The following NRG1 variants were observed in gnomAD, a reference collection of about 807,000 sequenced individuals.
NRG1 encodes neuregulin 1.
In NRG1, 18 loss-of-function variants were observed where a neutral mutation model predicts 63.8. The ratio of observed to expected loss-of-function variants is 0.28; its 90% confidence interval spans 0.19 to 0.42. The LOEUF is 0.42. Ranked by LOEUF, NRG1 falls within the 10% of genes least tolerant of loss-of-function variation. The probability of loss-of-function intolerance (pLI) is 1.00; values close to 1 mark genes in which losing one functional copy is unlikely to be tolerated. For synonymous variants in NRG1, 302 were observed against 301.3 expected, an observed-to-expected ratio of 1.00 and a Z score of -0.02; for missense variants, 762 against 814.7, an observed-to-expected ratio of 0.94 and a Z score of 0.79.
intron 1 of NRG1, among the ~76,000 whole-genome samples, chr8:31,904,912 A>C (rs1018829470): frequency 1.4e-4 from 21 of 152,110 alleles, no homozygotes; most frequent in African/African-American, 5.1e-4. Context: ...CTACCTATCA[A>C]ATACTATGCT....
intron 1 of NRG1, among the ~76,000 whole-genome samples, chr8:32,575,880 C>T (rs1588429538): frequency 1.3e-5 from 2 of 152,138 alleles, no homozygotes; most frequent in African/African-American, 4.8e-5. Context: ...GGTTCTTTGT[C>T]TTACATAGCT....
intron 1 of NRG1, among the ~76,000 whole-genome samples, chr8:32,116,885 G>A (rs999707105): frequency 6.9e-6 from 1 of 144,464 alleles, no homozygotes; most frequent in Non-Finnish European, 1.5e-5. Flanking sequence ...GTTTGTGCCT[G>A]TAATCTCAAC....
chr8:32,724,448 C>T lies in NRG1; in HGVS notation c.503-3501C>T, dbSNP rs1031430207. Among the ~76,000 whole-genome samples, 10 of 152,162 alleles carry T rather than the reference C, an allele frequency of 6.6e-5. 1 individual carries two copies. Among genetic ancestry groups the T allele is most frequent in the Middle Eastern group, 3.4e-3 (1 of 294 alleles). On this transcript the variant is annotated intron_variant, in intron 5 of 11. Coordinates refer to ENST00000356819, the Ensembl canonical transcript of NRG1. Reference sequence around the variant, plus strand: ...CTGTTTGCTCTGATTGGCATAGGACCGGCTTTGTCGGTTTCATTACATCCT... The same window carrying T: ...CTGTTTGCTCTGATTGGCATAGGACTGGCTTTGTCGGTTTCATTACATCCT...
Position 32,282,609 on chromosome 8 carries a change from T to G in NRG1, c.38-313219T>G, listed in dbSNP as rs150714370. ...TGTTCTCATCAGCCTCACCAAGCAGTGAGAGCAGCTTTCACATTCAAGGTC... is the reference window on the plus strand; with the variant it reads ...TGTTCTCATCAGCCTCACCAAGCAGGGAGAGCAGCTTTCACATTCAAGGTC... On this transcript the variant is annotated intron_variant, in intron 1 of 10. Transcript: ENST00000519301. 7.7e-4 allele frequency among the ~76,000 whole-genome samples: 117 copies of G among 152,330 alleles called. 1 individual carries two copies. The highest frequency in any genetic ancestry group is 2.7e-3 in the African/African-American group (113 of 41,576).
intron 1 of NRG1, among the ~76,000 whole-genome samples, chr8:31,789,493 G>A (rs957138182): frequency 2.0e-5 from 3 of 152,126 alleles, no homozygotes; most frequent in Admixed American, 6.5e-5. Flanking sequence ...TAACTGCCCA[G>A]GAGAGCTGTC....
chr8:32,561,172 A>G (rs1836323580), intron 1 of NRG1, among the ~76,000 whole-genome samples: 1 of 152,190 alleles, frequency 6.6e-6, no homozygotes, highest in Non-Finnish European at 1.5e-5. Flanking sequence ...AATTATTACC[A>G]TGCTATACTT....
chr8:32,679,445 T>A (rs1299466531), intron 5 of NRG1, among the ~76,000 whole-genome samples: 1 of 152,194 alleles, frequency 6.6e-6, no homozygotes, highest in East Asian at 1.9e-4. Context: ...CCATTAACTA[T>A]CTTTGCATCA....
At chr8:31,979,925 A>T (rs1437955986) in intron 1 of NRG1, among the ~76,000 whole-genome samples, 1 of 152,074 alleles carries the variant, frequency 6.6e-6, no homozygotes, top group Non-Finnish European at 1.5e-5. Context: ...ATTTTAATTT[A>T]TATGTCTATT....
intron 1 of NRG1, among the ~76,000 whole-genome samples, chr8:31,642,388 T>C (rs973460010): frequency 6.6e-6 from 1 of 152,230 alleles, no homozygotes; most frequent in African/African-American, 2.4e-5. Flanking sequence ...GGATTGTAGT[T>C]AGCTGTGATG....
At chr8:32,560,111 A>T (rs1322763628) in intron 1 of NRG1, among the ~76,000 whole-genome samples, 2 of 152,226 alleles carry the variant, frequency 1.3e-5, no homozygotes, top group Admixed American at 1.3e-4. Context: ...ATAAATGTTC[A>T]TAAATAGGTA....
In NRG1 at chr8:32,565,769, G is replaced by A. The variant is rs549881530; in HGVS notation, c.100+16943G>A. 4.1e-4 allele frequency among the ~76,000 whole-genome samples: 62 copies of A among 152,192 alleles called. No homozygotes were observed. The South Asian group carries it at 0.013, about 31-fold the overall frequency. ...CTAGTTGTTTCATAATTTCTGTGTG[G>A]TAATTTCAGTTTGTGTTGGTTCTCA... On this transcript the variant is annotated intron_variant, in intron 1 of 11. Transcript: ENST00000356819.
At chr8:32,387,105 C>T (rs1275386958) in intron 1 of NRG1, among the ~76,000 whole-genome samples, 1 of 152,156 alleles carries the variant, frequency 6.6e-6, no homozygotes, top group African/African-American at 2.4e-5. Flanking sequence ...AAAGCTTGAA[C>T]TTAAGTAACA....
intron 1 of NRG1, among the ~76,000 whole-genome samples, chr8:32,486,130 C>A (rs750523521): frequency 1.3e-5 from 2 of 152,006 alleles, no homozygotes; most frequent in Admixed American, 6.6e-5. Flanking sequence ...CAGGGTTTTG[C>A]CGTGTTGGCC....
At chr8:32,714,098 T>C (rs921966982) in intron 5 of NRG1, among the ~76,000 whole-genome samples, 9 of 152,170 alleles carry the variant, frequency 5.9e-5, no homozygotes, top group Non-Finnish European at 1.0e-4. Context: ...GTGCTGGGAT[T>C]ACAAGTGTGA....
chr8:32,327,312 G>C lies in NRG1; in HGVS notation c.38-268516G>C, dbSNP rs184728880. On this transcript the variant is annotated intron_variant, in intron 1 of 10. Transcript: ENST00000519301. ...AGATGCTGTCGTGACAGGGTGTAGA[G>C]ATTTCTGACTTGCATAACTGAATAT... is the stretch of plus-strand genomic sequence containing the variant. 8.1e-4 allele frequency among the ~76,000 whole-genome samples: 124 copies of C among 152,174 alleles called. 3 individuals are homozygous for C. The East Asian group carries it at 0.018, about 22-fold the overall frequency.
chr8:32,130,313 A>G (rs1272263432), intron 1 of NRG1, among the ~76,000 whole-genome samples: 1 of 152,020 alleles, frequency 6.6e-6, no homozygotes, highest in African/African-American at 2.4e-5. Flanking sequence ...AGCATTCAGC[A>G]GTGCTAAAAT....
At chr8:32,065,738 C>G (rs1824681093) in intron 1 of NRG1, among the ~76,000 whole-genome samples, 1 of 152,080 alleles carries the variant, frequency 6.6e-6, no homozygotes, top group African/African-American at 2.4e-5. Context: ...ATTTCTAGTT[C>G]TAGATCCCTG....
At chr8:32,091,173 G>T (rs1425744981) in intron 1 of NRG1, among the ~76,000 whole-genome samples, 4 of 151,894 alleles carry the variant, frequency 2.6e-5, no homozygotes, top group African/African-American at 4.8e-5. Flanking sequence ...AGCTACTCAG[G>T]TGGCTGAGGC....
chr8:31,948,654 A>G (rs940380556), intron 1 of NRG1, among the ~76,000 whole-genome samples: 3 of 152,208 alleles, frequency 2.0e-5, no homozygotes, highest in Admixed American at 6.5e-5. Flanking sequence ...TCTTTATCCG[A>G]TTTCCTGTGT....
Sources: allele counts gnomAD v4.1 joint callset (sites outside exome capture counted in the v4.1 genomes callset), GRCh38; gene constraint gnomAD v4.1.1; transcripts MANE v1.5; gene names NCBI Gene and HGNC (gene_info 2026-07-23, HGNC 2026-07-21).